Variants in GABRG3 observed in about 807,000 individuals in gnomAD.
GABRG3 encodes gamma-aminobutyric acid receptor subunit gamma-3.
A neutral mutation model predicts 48.8 loss-of-function variants in GABRG3; 25 were observed. The observed-to-expected ratio is 0.51, with a 90% CI of 0.37 to 0.72. GABRG3 has a LOEUF of 0.72. GABRG3 is among the 30% of genes least tolerant of loss of function. The probability of loss-of-function intolerance (pLI) is 0.00; values close to 1 mark genes in which losing one functional copy is unlikely to be tolerated. For missense variants in GABRG3, 394 were observed against 577.9 expected, an observed-to-expected ratio of 0.68 and a Z score of 3.26; for synonymous variants, 227 against 217.6, an observed-to-expected ratio of 1.04 and a Z score of -0.38.
Position 27,352,849 on chromosome 15 carries a change from C to T in GABRG3, c.574+23961C>T, listed in dbSNP as rs1030065974. Among the ~76,000 whole-genome samples, 1 of 151,976 alleles carries T rather than the reference C, an allele frequency of 6.6e-6. No homozygotes were observed. The highest frequency in any genetic ancestry group is 1.5e-5 in the Non-Finnish European group (1 of 67,988). On this transcript the variant is annotated intron_variant, in intron 5 of 9. Transcript: ENST00000615808. The surrounding 1 kb of genome is among the most constrained non-coding windows in gnomAD (Gnocchi z 4.0). Reference sequence around the variant, plus strand: ...ACCTAACTCATAGGACTATGGGGGGCGTAAAATAAGACTCCAGCACATGCT... The same window carrying T: ...ACCTAACTCATAGGACTATGGGGGGTGTAAAATAAGACTCCAGCACATGCT...
rs189392042 is a variant in GABRG3, at chr15:27,175,682, G to T, written c.270+148861G>T. On this transcript the variant is annotated intron_variant, in intron 3 of 9. Coordinates refer to ENST00000615808, the MANE Select transcript of GABRG3 (RefSeq NM_033223.5). Reference sequence around the variant, plus strand: ...CAAAGCAAATGGTAAATGGTAGGAAGCATGGCAAATGGGCCCACAGTACTC... The same window carrying T: ...CAAAGCAAATGGTAAATGGTAGGAATCATGGCAAATGGGCCCACAGTACTC... Among the ~76,000 whole-genome samples the T allele has an allele frequency of 6.6e-5, 10 of 152,346 alleles. No individual in the cohort carries two copies. The East Asian group carries it at 1.9e-3, about 29-fold the overall frequency.
At chr15:27,250,607 A>C (rs1384287847) in intron 3 of GABRG3, among the ~76,000 whole-genome samples, 1 of 152,024 alleles carries the variant, frequency 6.6e-6, no homozygotes, top group African/African-American at 2.4e-5. Context: ...TTGTATTTCT[A>C]GTAGAGACGG....
chr15:27,532,466 T>G, intron 9 of GABRG3, 134 bp from the exon 10 acceptor site: 18 of 556,968 alleles, frequency 3.2e-5, no homozygotes, highest in East Asian at 4.1e-5. Context: ...CTCTCCAGCA[T>G]GGGGGGAAGG....
chr15:27,350,019 A>G, intron 5 of GABRG3: 2 of 444,606 alleles, frequency 4.5e-6, no homozygotes, highest in Non-Finnish European at 9.1e-6. Flanking sequence ...ATAGTAGCCA[A>G]AAGATTACCA....
chr15:26,984,841 G>A (rs1241580660), intron 2 of GABRG3, among the ~76,000 whole-genome samples: 1 of 152,180 alleles, frequency 6.6e-6, no homozygotes, highest in East Asian at 1.9e-4. Context: ...ATATGGTCAT[G>A]CTGGGAAAAA....
Position 27,338,966 on chromosome 15 carries a change from C to T in GABRG3, c.574+10078C>T, listed in dbSNP as rs147896471. Among the ~76,000 whole-genome samples, 282 of 152,314 alleles carry T rather than the reference C, an allele frequency of 1.9e-3. 5 individuals are homozygous for T. The highest frequency in any genetic ancestry group is 6.5e-3 in the African/African-American group (271 of 41,578). On this transcript the variant is annotated intron_variant, in intron 5 of 9. Transcript: ENST00000615808. ...AGCCAGGTCAAAATCTCCTTGTCTT[C>T]TGCCTACTGCCTAAGTGCACTAATG...
At chr15:27,443,360 G>A (rs184590372) in intron 5 of GABRG3, among the ~76,000 whole-genome samples, 3 of 152,060 alleles carry the variant, frequency 2.0e-5, no homozygotes, top group Non-Finnish European at 4.4e-5. Flanking sequence ...ATTTAGTTAG[G>A]TCTTCTTTAA....
intron 3 of GABRG3, among the ~76,000 whole-genome samples, chr15:27,216,685 G>A (rs1027798164): frequency 1.3e-5 from 2 of 150,972 alleles, no homozygotes; most frequent in Admixed American, 6.6e-5. Context: ...TTCTACCAGT[G>A]TGATCTTCCA....
At chr15:27,248,791 CACACACACACACAG>C (rs1298726278) in intron 3 of GABRG3, among the ~76,000 whole-genome samples, 15 of 117,082 alleles carry the variant, frequency 1.3e-4, no homozygotes, top group Admixed American at 6.9e-4. Context: ...CACACACACA[CACACACACACACAG>C]AGAGAGAGAG....
At chr15:27,424,150 C>A (rs1888217795) in intron 5 of GABRG3, among the ~76,000 whole-genome samples, 1 of 152,020 alleles carries the variant, frequency 6.6e-6, no homozygotes, top group South Asian at 2.1e-4. Context: ...TACCTGGGGT[C>A]CCTGGGCCAC....
At chr15:27,039,765 G>A (rs990700757) in intron 3 of GABRG3, among the ~76,000 whole-genome samples, 4 of 152,210 alleles carry the variant, frequency 2.6e-5, no homozygotes, top group African/African-American at 9.6e-5. Flanking sequence ...CTGTGCTAAA[G>A]TAAATACCAG....
intron 6 of GABRG3, among the ~76,000 whole-genome samples, chr15:27,516,556 A>T (rs1459773421): frequency 6.6e-6 from 1 of 152,210 alleles, no homozygotes; most frequent in African/African-American, 2.4e-5. Context: ...GATGGGCAGC[A>T]ATCTAATCTA....
intron 3 of GABRG3, among the ~76,000 whole-genome samples, chr15:27,168,661 CAAAAA>C (rs1240984260): frequency 1.3e-5 from 2 of 152,122 alleles, no homozygotes; most frequent in Non-Finnish European, 2.9e-5. Flanking sequence ...TTATTTCCCT[CAAAAA>C]GAAACTTCAG....
chr15:27,388,246 A>AAAAG lies in GABRG3; in HGVS notation c.574+59360_574+59361insAGAA, dbSNP rs1566818125. Reference sequence around the variant, plus strand: ...GAAGGAAAGGGAGGAGGGAGGGAGGAAAGGAAGGAAGGAAAGGAGGGAGGG... The same window carrying AAAAG: ...GAAGGAAAGGGAGGAGGGAGGGAGGAAAAGAAGGAAGGAAGGAAAGGAGGGAGGG... On this transcript the variant is annotated intron_variant, in intron 5 of 9. Coordinates refer to ENST00000615808, the MANE Select transcript of GABRG3 (RefSeq NM_033223.5). Among the ~76,000 whole-genome samples, 34 of 15,094 alleles carry AAAAG rather than the reference A, an allele frequency of 2.3e-3. 1 individual carries two copies. The highest frequency in any genetic ancestry group is 3.8e-3 in the Non-Finnish European group (28 of 7,374). 9.9% of individuals were successfully genotyped at this position (15,094 alleles called of 152,430 possible).
At chr15:27,077,217 C>A (rs1432127) in intron 3 of GABRG3, among the ~76,000 whole-genome samples, 31,378 of 152,108 alleles carry the variant, frequency 0.21, 3,398 homozygotes, top group Middle Eastern at 0.26. Context: ...CATGCCCAGC[C>A]TCTCTGGGTA....
At position 27,208,194 on chromosome 15, in the gene GABRG3, G is replaced by C. The variant is rs922111335; in HGVS notation, c.271-118615G>C. 5 of 159,540 alleles carry C rather than the reference G, an allele frequency of 3.1e-5. No homozygotes were observed. The Admixed American group carries it at 3.2e-4, about 10-fold the overall frequency. The allele number at this position is 159,540 out of a possible 1,614,324, so 9.9% of individuals were successfully genotyped here. A position where few individuals can be genotyped will look rare whatever the true frequency, so the allele number is the denominator to read the frequency against. On this transcript the variant is annotated intron_variant, in intron 3 of 9. Coordinates refer to ENST00000615808, the MANE Select transcript of GABRG3 (RefSeq NM_033223.5). The stretch of plus-strand genomic sequence containing the variant: ...CACAGTTCTGCCTCATGATACTCAG[G>C]ATGGACTTGATGTCCAACTTCTGAC...
chr15:27,073,581 G>A (rs1896860976), intron 3 of GABRG3, among the ~76,000 whole-genome samples: 1 of 152,210 alleles, frequency 6.6e-6, no homozygotes, highest in East Asian at 1.9e-4. Context: ...GCACATTCCT[G>A]GATTCCCTTT....
intron 2 of GABRG3, among the ~76,000 whole-genome samples, chr15:27,025,317 A>C (rs1173233939): frequency 6.6e-6 from 1 of 152,242 alleles, no homozygotes; most frequent in Non-Finnish European, 1.5e-5. Flanking sequence ...AACTGACTTA[A>C]CACCCTTTGG....
intron 3 of GABRG3, among the ~76,000 whole-genome samples, chr15:27,055,259 C>A (rs1240413009): frequency 6.6e-6 from 1 of 152,102 alleles, no homozygotes; most frequent in Non-Finnish European, 1.5e-5. Flanking sequence ...CGGGCTTTCA[C>A]CCCGTAACAT....
Sources: allele counts gnomAD v4.1 joint callset (sites outside exome capture counted in the v4.1 genomes callset), GRCh38; gene constraint gnomAD v4.1.1; non-coding constraint Gnocchi (gnomAD v3.1); transcripts MANE v1.5; gene names NCBI Gene and HGNC (gene_info 2026-07-23, HGNC 2026-07-21).